MTOR: variants seen among roughly 807,000 people sequenced by gnomAD.
The protein encoded by MTOR is serine/threonine-protein kinase mTOR.
A neutral mutation model predicts 319.8 loss-of-function variants in MTOR; 70 were observed. The ratio of observed to expected loss-of-function variants is 0.22; its 90% CI spans 0.18 to 0.27. The LOEUF is 0.27. MTOR is among the 10% of genes least tolerant of loss of function. The pLI, the probability that MTOR is intolerant of heterozygous loss-of-function variation, is 1.00. For synonymous variants in MTOR, 1,183 were observed against 1,211.4 expected (o/e 0.98, Z 0.49); for missense variants, 1,890 against 3,274.4 (o/e 0.58, Z 10.32).
At chr1:11,134,560 C>T in intron 36 of MTOR, 94 bp from the exon 37 acceptor site, 2 of 987,456 alleles carry the variant, frequency 2.0e-6, no homozygotes, top group Non-Finnish European at 1.6e-6. Flanking sequence ...TGAGTCAACC[C>T]CTCTCCAAAC....
chr1:11,147,986 G>T (rs1643992853), intron 31 of MTOR, among the ~76,000 whole-genome samples: 1 of 152,178 alleles, frequency 6.6e-6, no homozygotes, highest in Admixed American at 6.5e-5. Context: ...GAAAATGTTT[G>T]TAATTGCTGG....
chr1:11,128,625 A>C lies in MTOR; in HGVS notation c.5812-73T>G. ...CTAGTTATTCTTCTAGGCAAAGATC[A>C]ATTCTTTTAACTTGTTTCGGTTGAT... On this transcript the variant is annotated intron_variant, in intron 41 of 57. Coordinates refer to ENST00000361445, the MANE Select transcript of MTOR (RefSeq NM_004958.4). This position sits in a 1 kb window ranked among gnomAD's most constrained non-coding sequence, Gnocchi z 5.3. 7.0e-7 allele frequency: 1 copy of C among 1,432,558 alleles called. No homozygotes were observed. The highest frequency in any genetic ancestry group is 9.8e-7 in the Non-Finnish European group (1 of 1,019,300). The allele number at this position is 1,432,558 out of a possible 1,614,324, so 88.7% of individuals were successfully genotyped here. A position where few individuals can be genotyped will look rare whatever the true frequency, so the allele number is the denominator to read the frequency against.
Position 11,228,710 on chromosome 1 carries a change from C to G in MTOR, c.2988G>C (p.Thr996=), listed in dbSNP as rs200775211. 138 of 1,613,984 alleles carry G rather than the reference C, an allele frequency of 8.6e-5. 3 individuals are homozygous for G. The South Asian group carries it at 1.5e-3, about 17-fold the overall frequency. The change falls in exon 19 of 58, where the codon ACG becomes ACC. Residue 996 remains threonine (T), a synonymous_variant. Coordinates refer to ENST00000361445, the MANE Select transcript of MTOR (RefSeq NM_004958.4). Reference sequence around the variant, plus strand: ...CACAGACTCGAATGACGTTAAGGAACGTGGGCATGACCTGGGGCAGGAACT... The same window carrying G: ...CACAGACTCGAATGACGTTAAGGAAGGTGGGCATGACCTGGGGCAGGAACT... ...CVQFLPQVMP[T]FLNVIRVCDG...
chr1:11,231,828 T>C (rs570355648), intron 16 of MTOR, among the ~76,000 whole-genome samples: 1 of 152,178 alleles, frequency 6.6e-6, no homozygotes, highest in East Asian at 1.9e-4. Flanking sequence ...TGGAATCGAG[T>C]GATCTTCCCA....
At chr1:11,217,567 A>ATT (rs780838551) in intron 19 of MTOR, among the ~76,000 whole-genome samples, 3 of 139,612 alleles carry the variant, frequency 2.1e-5, no homozygotes, top group East Asian at 2.1e-4. Flanking sequence ...TGCCCGGCTA[A>ATT]TTTTTTTTTT....
intron 8 of MTOR, 102 bp downstream of exon 8, chr1:11,247,523 T>C: frequency 4.2e-6 from 4 of 952,574 alleles, no homozygotes; most frequent in South Asian, 3.0e-5. Flanking sequence ...ATCAGAGATT[T>C]GTTGGCGTTG....
At chr1:11,193,005 G>C (rs2100716913) in intron 28 of MTOR, among the ~76,000 whole-genome samples, 1 of 152,018 alleles carries the variant, frequency 6.6e-6, no homozygotes, top group East Asian at 1.9e-4. Flanking sequence ...AAAACACGAA[G>C]GCAGCATCAA....
At chr1:11,174,092 G>C (rs1307753695) in intron 28 of MTOR, among the ~76,000 whole-genome samples, 2 of 152,240 alleles carry the variant, frequency 1.3e-5, no homozygotes, top group Admixed American at 6.5e-5. Flanking sequence ...TCCCTTAAAA[G>C]GTGACTTTCT....
Position 11,256,481 on chromosome 1 carries a change from G to A in MTOR, c.505-289C>T, listed in dbSNP as rs115463606. Among the ~76,000 whole-genome samples, 504 of 152,356 alleles carry A rather than the reference G, an allele frequency of 3.3e-3. 2 individuals are homozygous for A. The highest frequency in any genetic ancestry group is 5.3e-3 in the Non-Finnish European group (362 of 68,040). On this transcript the variant is annotated intron_variant, in intron 4 of 57. Coordinates refer to ENST00000361445, the MANE Select transcript of MTOR (RefSeq NM_004958.4). ...TCTTTACCACTATACTAACAGCCTA[G>A]AACTCTACCTGGAATACAGTAGGTA...
intron 19 of MTOR, among the ~76,000 whole-genome samples, chr1:11,219,761 T>G (rs1046237927): frequency 6.6e-6 from 1 of 152,084 alleles, no homozygotes; most frequent in African/African-American, 2.4e-5. Flanking sequence ...CGGTGGCTCA[T>G]GCCTATAATT....
In MTOR at chr1:11,129,509, C is replaced by T. The variant is rs1296548342; in HGVS notation, c.5714+229G>A. Reference sequence around the variant, plus strand: ...AATAATCCCTCCATAATAAACCACACATGGAGAGTTCTCACTCCACTTCTC... The same window carrying T: ...AATAATCCCTCCATAATAAACCACATATGGAGAGTTCTCACTCCACTTCTC... On this transcript the variant is annotated intron_variant, in intron 40 of 57. Transcript: ENST00000361445. The surrounding 1 kb of genome is among the most constrained non-coding windows in gnomAD (Gnocchi z 4.7). Among the ~76,000 whole-genome samples, 1 of 152,224 alleles carries T rather than the reference C, an allele frequency of 6.6e-6. No individual in the cohort carries two copies. Among genetic ancestry groups the T allele is most frequent in the African/African-American group, 2.4e-5 (1 of 41,464 alleles).
At chr1:11,262,316 C>T (rs1298502679) in intron 1 of MTOR, 129 bp downstream of exon 1, 1 of 152,422 alleles carries the variant, frequency 6.6e-6, no homozygotes, top group Non-Finnish European at 1.5e-5. Context: ...GTGCCCAGGT[C>T]GTGGGGCCGG....
At chr1:11,191,587 T>C (rs925044334) in intron 28 of MTOR, among the ~76,000 whole-genome samples, 8 of 152,146 alleles carry the variant, frequency 5.3e-5, no homozygotes, top group East Asian at 1.9e-4. Context: ...ATATTTAGAA[T>C]ACAGAGCTTA....
At chr1:11,194,560 G>A (rs758868900) in intron 28 of MTOR, 1 of 1,614,204 alleles carries the variant, frequency 6.2e-7, no homozygotes, top group Non-Finnish European at 8.5e-7. Context: ...CACTGGCAAT[G>A]TGGGGAACGA....
intron 57 of MTOR, 145 bp from the exon 58 acceptor site, chr1:11,107,645 C>G: frequency 1.2e-6 from 1 of 844,664 alleles, no homozygotes; most frequent in East Asian, 2.8e-5. Context: ...ATGGGACACA[C>G]TCATCATTTC....
At chr1:11,192,928 A>T (rs962984091) in intron 28 of MTOR, among the ~76,000 whole-genome samples, 1 of 152,004 alleles carries the variant, frequency 6.6e-6, no homozygotes, top group Non-Finnish European at 1.5e-5. Flanking sequence ...TCTTATAACC[A>T]CCACATAACT....
intron 54 of MTOR, chr1:11,111,243 C>T: frequency 2.3e-6 from 1 of 440,592 alleles, no homozygotes; most frequent in Non-Finnish European, 4.6e-6. Context: ...CTTTGGGAGG[C>T]CGAGGCGGGC....
intron 28 of MTOR, among the ~76,000 whole-genome samples, chr1:11,186,160 T>C (rs1645315891): frequency 6.6e-6 from 1 of 151,426 alleles, no homozygotes; most frequent in African/African-American, 2.4e-5. Flanking sequence ...TTTCAAAGAC[T>C]TCAGAAGAAG....
chr1:11,239,138 T>C (rs968842791), intron 11 of MTOR, among the ~76,000 whole-genome samples: 3 of 152,000 alleles, frequency 2.0e-5, no homozygotes, highest in Non-Finnish European at 2.9e-5. Context: ...AAGGGGGTGG[T>C]GAAGGAGCAA....
Sources: allele counts gnomAD v4.1 joint callset (sites outside exome capture counted in the v4.1 genomes callset), GRCh38; gene constraint gnomAD v4.1.1; non-coding constraint Gnocchi (gnomAD v3.1); transcripts MANE v1.5; gene names NCBI Gene and HGNC (gene_info 2026-07-23, HGNC 2026-07-21).